Variants in QTMAN observed in about 807,000 individuals in gnomAD.
QTMAN encodes tRNA-queuosine alpha-mannosyltransferase.
the QTMAN span, among the ~76,000 whole-genome samples, chr2:144,122,524 C>T: frequency 6.6e-6 from 1 of 152,146 alleles, no homozygotes; most frequent in Non-Finnish European, 1.5e-5. Flanking sequence ...ACTTAAGTCA[C>T]TGCTAATGGA....
the QTMAN span, among the ~76,000 whole-genome samples, chr2:144,071,743 C>T: frequency 3.3e-5 from 5 of 152,162 alleles, no homozygotes; most frequent in Non-Finnish European, 5.9e-5. Flanking sequence ...AAATTCTATA[C>T]TCTGTCCTCC....
the QTMAN span, chr2:143,970,870 G>T: frequency 1.5e-6 from 1 of 666,474 alleles, no homozygotes; most frequent in Non-Finnish European, 2.7e-6. Context: ...ACTGCTGGTT[G>T]GGGAGCCTCT....
chr2:144,321,721 A>T, the QTMAN span, among the ~76,000 whole-genome samples: 42 of 151,884 alleles, frequency 2.8e-4, no homozygotes, highest in South Asian at 6.9e-3. Context: ...TCCCACTTCA[A>T]CCTCCCAAGT....
At chr2:144,178,803 T>C in the QTMAN span, 2 of 354,648 alleles carry the variant, frequency 5.6e-6, no homozygotes, top group African/African-American at 2.2e-5. Flanking sequence ...ATACTAGAAA[T>C]AATCAACTGA....
the QTMAN span, among the ~76,000 whole-genome samples, chr2:144,295,589 C>CCAG: frequency 6.6e-6 from 1 of 152,098 alleles, no homozygotes; most frequent in Non-Finnish European, 1.5e-5. Flanking sequence ...AAACAGTTAG[C>CCAG]CAGCTCCCAA....
chr2:144,089,389 T>A, the QTMAN span, among the ~76,000 whole-genome samples: 63 of 152,098 alleles, frequency 4.1e-4, no homozygotes, highest in Middle Eastern at 6.8e-3. Context: ...CCTATGGAGA[T>A]TTCTCAAAAA....
the QTMAN span, among the ~76,000 whole-genome samples, chr2:144,194,899 C>G: frequency 2.0e-5 from 3 of 152,076 alleles, no homozygotes; most frequent in African/African-American, 7.2e-5. Flanking sequence ...ATTTCCCCAC[C>G]ACTACCCCTC....
chr2:143,946,878 A>T, the QTMAN span: 1 of 566,580 alleles, frequency 1.8e-6, no homozygotes, highest in African/African-American at 1.9e-5. Context: ...GGGATTGGAG[A>T]TCTGAAGCCG....
At chr2:143,969,271 C>T in the QTMAN span, among the ~76,000 whole-genome samples, 2 of 152,190 alleles carry the variant, frequency 1.3e-5, no homozygotes, top group East Asian at 1.9e-4. Context: ...TCGAAACCAC[C>T]TGTGTGGCTT....
At chr2:143,996,567 G>A in the QTMAN span, among the ~76,000 whole-genome samples, 127 of 152,178 alleles carry the variant, frequency 8.3e-4, no homozygotes, top group African/African-American at 2.9e-3. Context: ...TATGGTAGGT[G>A]AAGAGGGGCA....
chr2:144,025,790 A>T, the QTMAN span, among the ~76,000 whole-genome samples: 1 of 152,188 alleles, frequency 6.6e-6, no homozygotes, highest in African/African-American at 2.4e-5. Flanking sequence ...CTATGTAACT[A>T]GCGTACTCCC....
chr2:144,246,529 C>T, the QTMAN span, among the ~76,000 whole-genome samples: 6 of 144,030 alleles, frequency 4.2e-5, no homozygotes, highest in Non-Finnish European at 6.0e-5. Flanking sequence ...GCCGAGATTG[C>T]GCCACTGCAG....
the QTMAN span, among the ~76,000 whole-genome samples, chr2:144,307,633 T>A: frequency 1.4e-4 from 22 of 152,360 alleles, no homozygotes; most frequent in Admixed American, 6.5e-4. Context: ...AAAGCATTAA[T>A]GATTACATTA....
chr2:144,126,111 C>T, the QTMAN span, among the ~76,000 whole-genome samples: 80 of 151,948 alleles, frequency 5.3e-4, no homozygotes, highest in Middle Eastern at 3.4e-3. Context: ...CTATAGATTG[C>T]CTGAGGACAC....
chr2:144,120,497 T>G, the QTMAN span, among the ~76,000 whole-genome samples: 1 of 152,242 alleles, frequency 6.6e-6, no homozygotes, highest in Non-Finnish European at 1.5e-5. Context: ...TAACTATGAA[T>G]AAATTATAAG....
At chr2:144,133,541 TATAAAG>T in the QTMAN span, among the ~76,000 whole-genome samples, 1 of 103,598 alleles carries the variant, frequency 9.7e-6, no homozygotes, top group Non-Finnish European at 1.8e-5. Context: ...TATATAAAGA[TATAAAG>T]ATATAAATAT....
the QTMAN span, among the ~76,000 whole-genome samples, chr2:143,949,873 AACAC>A: frequency 6.6e-6 from 1 of 151,914 alleles, no homozygotes; most frequent in Non-Finnish European, 1.5e-5. Flanking sequence ...ATCCTATAAC[AACAC>A]ACAAACTAAA....
the QTMAN span, among the ~76,000 whole-genome samples, chr2:143,982,418 G>A: frequency 6.6e-6 from 1 of 151,644 alleles, no homozygotes; most frequent in Non-Finnish European, 1.5e-5. Context: ...TTTTAGTAGA[G>A]ACGGGGTTTC....
chr2:143,955,749 A>T, the QTMAN span, among the ~76,000 whole-genome samples: 1 of 152,242 alleles, frequency 6.6e-6, no homozygotes, highest in Admixed American at 6.5e-5. Context: ...CCACCCACTA[A>T]GGTGATGTTC....
Sources: allele counts gnomAD v4.1 joint callset (sites outside exome capture counted in the v4.1 genomes callset), GRCh38; gene constraint gnomAD v4.1.1; transcripts MANE v1.5; gene names NCBI Gene and HGNC (gene_info 2026-07-23, HGNC 2026-07-21).